Variants in PPP2R3A observed in about 807,000 individuals in gnomAD.
The protein encoded by PPP2R3A is serine/threonine-protein phosphatase 2A regulatory subunit B'' subunit alpha.
Under a neutral mutation model 106.9 loss-of-function variants are expected in PPP2R3A, and 80 were observed. The observed-to-expected ratio is 0.75, with a 90% CI of 0.62 to 0.90. The LOEUF is 0.90. Ranked by LOEUF, PPP2R3A falls within the 40% of genes least tolerant of loss-of-function variation. PPP2R3A has a pLI of 0.00. For synonymous variants in PPP2R3A, 483 were observed against 468.3 expected (o/e 1.03, Z -0.41); for missense variants, 1,386 against 1,350.4 (o/e 1.03, Z -0.41).
intron 13 of PPP2R3A, among the ~76,000 whole-genome samples, chr3:136,118,406 G>T (rs1485553676): frequency 1.3e-5 from 2 of 152,146 alleles, no homozygotes; most frequent in Non-Finnish European, 2.9e-5. Flanking sequence ...GAAATAAATG[G>T]TATTCAAATA....
At position 136,112,019 on chromosome 3, in the gene PPP2R3A, A is replaced by G. The variant is rs189286671; in HGVS notation, c.3329+5697A>G. ...CAAACCAATAAATGCAATTCGTCAC[A>G]TGAATAGAACAAAAAACAAAAACCA... is the stretch of plus-strand genomic sequence containing the variant. On this transcript the variant is annotated intron_variant, in intron 13 of 13. Transcript: ENST00000264977. Among the ~76,000 whole-genome samples, 10 of 152,306 alleles carry G rather than the reference A, an allele frequency of 6.6e-5. No homozygotes were observed. In the East Asian group the frequency reaches 1.5e-3, roughly 24 times the overall value.
intron 1 of PPP2R3A, among the ~76,000 whole-genome samples, chr3:135,989,581 C>T (rs896306030): frequency 1.3e-4 from 20 of 151,786 alleles, no homozygotes; most frequent in African/African-American, 4.6e-4. Context: ...ATGTCTGGAA[C>T]ACAAAAAAAT....
chr3:136,131,405 T>A (rs1337733517), intron 13 of PPP2R3A, among the ~76,000 whole-genome samples: 1 of 152,074 alleles, frequency 6.6e-6, no homozygotes, highest in Admixed American at 6.6e-5. Flanking sequence ...AACAGACACA[T>A]GAAAAAATGC....
intron 1 of PPP2R3A, among the ~76,000 whole-genome samples, chr3:135,992,739 A>C (rs1438910440): frequency 6.6e-6 from 1 of 152,186 alleles, no homozygotes; most frequent in Non-Finnish European, 1.5e-5. Flanking sequence ...CTTGGCAGTG[A>C]AGAGACCGGA....
At chr3:136,067,539 A>C (rs751384434) in intron 5 of PPP2R3A, among the ~76,000 whole-genome samples, 2 of 152,238 alleles carry the variant, frequency 1.3e-5, no homozygotes, top group African/African-American at 2.4e-5. Flanking sequence ...AAGAGAACCA[A>C]GGTGACTAGA....
chr3:136,066,765 C>A (rs937081741), intron 5 of PPP2R3A, among the ~76,000 whole-genome samples: 70 of 152,118 alleles, frequency 4.6e-4, no homozygotes, highest in African/African-American at 1.6e-3. Flanking sequence ...AATGCTAGAT[C>A]GTTCAAGAGA....
Position 136,003,373 on chromosome 3 carries a change from A to G in PPP2R3A, c.1875A>G (p.Leu625=), listed in dbSNP as rs1559863321. The G allele has an allele frequency of 4.3e-6, 7 of 1,613,914 alleles. No homozygotes were observed. The East Asian group carries it at 1.3e-4, about 31-fold the overall frequency. ...AAGAAAAGGAAATGATGCAAATTCTACAGGAAACCTTGACAACTTCCTCCC... is the reference window on the plus strand; with the variant it reads ...AAGAAAAGGAAATGATGCAAATTCTGCAGGAAACCTTGACAACTTCCTCCC... ...LSQEKEMMQI[L]QETLTTSSQA... The change falls in exon 2 of 14, where the codon CTA becomes CTG. Residue 625 remains leucine, a synonymous_variant. Transcript: ENST00000264977.
chr3:136,058,117 A>C (rs1935939275), intron 5 of PPP2R3A, among the ~76,000 whole-genome samples: 1 of 152,198 alleles, frequency 6.6e-6, no homozygotes, highest in South Asian at 2.1e-4. Flanking sequence ...CGAAATCATA[A>C]GAGCCATATA....
chr3:136,064,085 C>T (rs1291663700), intron 5 of PPP2R3A, among the ~76,000 whole-genome samples: 2 of 151,694 alleles, frequency 1.3e-5, no homozygotes, highest in Non-Finnish European at 2.9e-5. Flanking sequence ...TACTATGCAG[C>T]CATAAAAAAT....
intron 8 of PPP2R3A, among the ~76,000 whole-genome samples, chr3:136,086,309 C>A (rs1420632960): frequency 6.6e-6 from 1 of 152,016 alleles, no homozygotes; most frequent in Non-Finnish European, 1.5e-5. Context: ...TGGTGAAACC[C>A]CATCTCTACT....
At chr3:136,072,666 C>A in intron 6 of PPP2R3A, among the ~76,000 whole-genome samples, 1 of 152,140 alleles carries the variant, frequency 6.6e-6, no homozygotes, top group East Asian at 1.9e-4. Flanking sequence ...ATTGACTATT[C>A]TGAAAACTCA....
chr3:136,144,082 C>T (rs1304864169), intron 13 of PPP2R3A, among the ~76,000 whole-genome samples: 1 of 152,174 alleles, frequency 6.6e-6, no homozygotes, highest in Non-Finnish European at 1.5e-5. Context: ...TTCAGGCAGC[C>T]ACATCATTTC....
intron 7 of PPP2R3A, chr3:136,079,372 G>T (rs1576486070): frequency 1.5e-5 from 3 of 197,090 alleles, no homozygotes; most frequent in Non-Finnish European, 3.2e-5. Flanking sequence ...GCACATTATA[G>T]GTTGTAGTTT....
At chr3:136,086,972 T>C (rs955921589) in intron 8 of PPP2R3A, among the ~76,000 whole-genome samples, 1 of 152,080 alleles carries the variant, frequency 6.6e-6, no homozygotes, top group Admixed American at 6.6e-5. Flanking sequence ...GAGGCTGAGG[T>C]GGGCAGATCA....
At chr3:136,015,596 G>A (rs58030391) in intron 2 of PPP2R3A, among the ~76,000 whole-genome samples, 1,926 of 151,792 alleles carry the variant, frequency 0.013, 31 homozygotes, top group African/African-American at 0.042. Flanking sequence ...TTCAGTTTGC[G>A]TGCATGAAGG....
intron 2 of PPP2R3A, among the ~76,000 whole-genome samples, chr3:136,004,383 T>C (rs1304507653): frequency 1.3e-5 from 2 of 152,202 alleles, no homozygotes; most frequent in Non-Finnish European, 2.9e-5. Context: ...CTGCTGCCCA[T>C]TGACCCATCT....
At chr3:135,974,574 T>C (rs1279250784) in intron 1 of PPP2R3A, among the ~76,000 whole-genome samples, 1 of 152,202 alleles carries the variant, frequency 6.6e-6, no homozygotes, top group African/African-American at 2.4e-5. Flanking sequence ...AAAAGGGGAC[T>C]TTTTTCTTCT....
intron 8 of PPP2R3A, among the ~76,000 whole-genome samples, chr3:136,083,457 T>C (rs1000198777): frequency 1.3e-5 from 2 of 152,182 alleles, no homozygotes; most frequent in Non-Finnish European, 2.9e-5. Context: ...CCTTCCGCCA[T>C]GATTGTGAGG....
At chr3:136,092,764 C>T (rs1039064929) in intron 10 of PPP2R3A, among the ~76,000 whole-genome samples, 4 of 152,070 alleles carry the variant, frequency 2.6e-5, no homozygotes, top group East Asian at 1.9e-4. Context: ...GATGCCAGGA[C>T]GATCCAATGG....
Sources: allele counts gnomAD v4.1 joint callset (sites outside exome capture counted in the v4.1 genomes callset), GRCh38; gene constraint gnomAD v4.1.1; transcripts MANE v1.5; gene names NCBI Gene and HGNC (gene_info 2026-07-23, HGNC 2026-07-21).